EIF2AK4: variants seen among roughly 807,000 people sequenced by gnomAD.
EIF2AK4 encodes the protein eukaryotic translation initiation factor 2 alpha kinase 4, also known as eIF-2-alpha kinase GCN2.
EIF2AK4 carries 139 observed loss-of-function variants against 211.1 expected under a neutral mutation model. That is an observed-to-expected ratio of 0.66 (90% confidence interval 0.57 to 0.76). EIF2AK4 has a LOEUF of 0.76. Among genes scored for constraint, EIF2AK4 ranks in the 30% least tolerant of loss-of-function variants. The pLI is 0.00. For missense variants in EIF2AK4, 1,664 were observed against 2,043.8 expected (o/e 0.81, Z 3.58); for synonymous variants, 710 against 751.3 (o/e 0.94, Z 0.90).
intron 3 of EIF2AK4, chr15:39,946,691 G>A: frequency 1.4e-6 from 1 of 699,578 alleles, no homozygotes; most frequent in Non-Finnish European, 2.6e-6. Flanking sequence ...TTCCATGAAA[G>A]GAAGAGTCAA....
intron 13 of EIF2AK4, among the ~76,000 whole-genome samples, chr15:39,979,080 G>C (rs8030505): frequency 0.083 from 12,670 of 152,220 alleles, 924 homozygotes; most frequent in East Asian, 0.24. Flanking sequence ...ATGTAACTCT[G>C]AAGCTACACA....
chr15:39,949,496 G>A (rs1282517566), intron 4 of EIF2AK4, among the ~76,000 whole-genome samples: 3 of 152,160 alleles, frequency 2.0e-5, no homozygotes, highest in African/African-American at 7.2e-5. Context: ...AAATAGAAGA[G>A]AAAAGAAGCT....
chr15:40,032,370 C>T (rs899603449), intron 36 of EIF2AK4, 133 bp downstream of exon 36: 4 of 713,526 alleles, frequency 5.6e-6, no homozygotes, highest in East Asian at 2.7e-5. Context: ...GTGAACTACA[C>T]GCAATTTAAA....
At chr15:39,939,748 A>C (rs2034118567) in intron 2 of EIF2AK4, 131 bp downstream of exon 2, 1 of 621,996 alleles carries the variant, frequency 1.6e-6, no homozygotes, top group Non-Finnish European at 2.6e-6. Flanking sequence ...CCTCTATTTC[A>C]ACAAAACTAC....
intron 13 of EIF2AK4, among the ~76,000 whole-genome samples, chr15:39,981,762 T>A (rs915847892): frequency 2.0e-5 from 3 of 152,158 alleles, no homozygotes; most frequent in Non-Finnish European, 2.9e-5. Flanking sequence ...AAGACTTTTT[T>A]AAGAAAAGTA....
intron 17 of EIF2AK4, 89 bp downstream of exon 17, chr15:39,992,318 TATTC>T: frequency 8.5e-7 from 1 of 1,175,352 alleles, no homozygotes. Context: ...GTAAAGGTTT[TATTC>T]TACGGCAGAT....
At position 39,976,644 on chromosome 15, in the gene EIF2AK4, C is replaced by T. The variant is rs1250068246; in HGVS notation, c.2049C>T (p.Arg683=). 3.7e-6 allele frequency: 6 copies of T among 1,603,822 alleles called. 1 individual carries two copies. The South Asian group carries it at 6.6e-5, about 18-fold the overall frequency. ...GPLAKDDRAA[R]GQPASDTDGL... ...TGGCCAAGGATGACCGAGCTGCACG[C>T]GGGCAGCCGGCGAGCGACACAGACG... Residue 683 remains arginine, a synonymous_variant, in exon 12 of 39, where the codon CGC becomes CGT. Transcript: ENST00000263791.
In EIF2AK4 at chr15:39,943,381, A is replaced by G; in HGVS notation, c.258-2A>G. ...TTTTTTTTTTTTTTTTGCCTTTTCC[A>G]GAGTTCCTGAAATAGAGTTAAAAAA... On this transcript the variant is annotated splice_acceptor_variant, in intron 2 of 38. Coordinates refer to ENST00000263791, the MANE Select transcript of EIF2AK4 (RefSeq NM_001013703.4). LOFTEE classifies it high-confidence loss of function. The G allele has an allele frequency of 8.2e-7, 1 of 1,226,732 alleles. No individual in the cohort carries two copies. Among genetic ancestry groups the G allele is most frequent in the Non-Finnish European group, 1.1e-6 (1 of 923,550 alleles). The allele number at this position is 1,226,732 out of a possible 1,614,324, so 76.0% of individuals were successfully genotyped here.
At position 39,996,937 on chromosome 15, in the gene EIF2AK4, C is replaced by G. The variant is rs1488015594; in HGVS notation, c.2767-27C>G. 3.4e-6 allele frequency: 5 copies of G among 1,477,744 alleles called. No homozygotes were observed. The Admixed American group carries it at 5.0e-5, about 15-fold the overall frequency. The allele number at this position is 1,477,744 out of a possible 1,614,324, so 91.5% of individuals were successfully genotyped here. ...AATTATACTTTCATATCAAGGCTCT[C>G]TAAATGCAATTATTCTTCCCCCTCA... On this transcript the variant is annotated intron_variant, in intron 18 of 38. Transcript: ENST00000263791.
At chr15:40,016,132 A>G (rs189456759) in intron 27 of EIF2AK4, among the ~76,000 whole-genome samples, 4 of 152,362 alleles carry the variant, frequency 2.6e-5, no homozygotes, top group Admixed American at 6.5e-5. Context: ...CCCCATGTCT[A>G]TGCCTGCAGT....
intron 2 of EIF2AK4, among the ~76,000 whole-genome samples, chr15:39,942,809 G>A (rs958093497): frequency 6.6e-6 from 1 of 152,206 alleles, no homozygotes; most frequent in African/African-American, 2.4e-5. Flanking sequence ...ATGCAGCAGT[G>A]TGTTGTGGGA....
intron 2 of EIF2AK4, among the ~76,000 whole-genome samples, chr15:39,941,775 C>G (rs1168472472): frequency 6.6e-6 from 1 of 152,006 alleles, no homozygotes; most frequent in Non-Finnish European, 1.5e-5. Context: ...TGCTAGATGT[C>G]GGGAGTACAT....
At chr15:39,958,755 T>G (rs2034426486) in intron 6 of EIF2AK4, among the ~76,000 whole-genome samples, 2 of 152,204 alleles carry the variant, frequency 1.3e-5, no homozygotes. Context: ...AGACTATCCC[T>G]GCCCCTGTGT....
chr15:39,991,988 T>A (rs539922279), intron 16 of EIF2AK4, 187 bp from the exon 17 acceptor site: 6 of 499,248 alleles, frequency 1.2e-5, no homozygotes, highest in African/African-American at 1.1e-4. Flanking sequence ...CTTGATTTCA[T>A]TGGGTTTTCT....
intron 4 of EIF2AK4, among the ~76,000 whole-genome samples, chr15:39,950,031 T>G (rs2034285059): frequency 6.6e-6 from 1 of 152,058 alleles, no homozygotes; most frequent in Non-Finnish European, 1.5e-5. Context: ...TTTAAATTTT[T>G]TATTTGTTTT....
At chr15:39,954,094 T>A in intron 5 of EIF2AK4, 110 bp downstream of exon 5, 1 of 913,220 alleles carries the variant, frequency 1.1e-6, no homozygotes, top group Non-Finnish European at 1.5e-6. Context: ...AATAAAGCAC[T>A]AAAAATAAAT....
At chr15:39,985,914 G>GAC in intron 14 of EIF2AK4, 26 bp downstream of exon 14, 1 of 1,603,582 alleles carries the variant, frequency 6.2e-7, no homozygotes, top group Non-Finnish European at 8.5e-7. Flanking sequence ...GTAGTTAGGT[G>GAC]ACACAGCAAC....
chr15:39,998,275 G>GTTTTT (rs369083938), intron 19 of EIF2AK4, among the ~76,000 whole-genome samples: 1 of 137,502 alleles, frequency 7.3e-6, no homozygotes, highest in African/African-American at 2.7e-5. Context: ...TTTTTGTTTT[G>GTTTTT]TTTTTTTTTG....
chr15:40,009,496 T>C, intron 25 of EIF2AK4, 118 bp from the exon 26 acceptor site: 1 of 630,926 alleles, frequency 1.6e-6, no homozygotes. Flanking sequence ...GGAAGCCATA[T>C]GCTAAATTCA....
Sources: gnomAD v4.1 joint callset for allele counts (sites outside exome capture counted in the v4.1 genomes callset) on GRCh38, gnomAD v4.1.1 for gene constraint, MANE v1.5 for transcripts, NCBI Gene and HGNC (gene_info 2026-07-23, HGNC 2026-07-21) for gene names.